Variants in RGL1 observed in about 807,000 individuals in gnomAD.
The protein encoded by RGL1 is ral guanine nucleotide dissociation stimulator like 1, also known as ral guanine nucleotide dissociation stimulator-like 1.
RGL1 carries 24 observed loss-of-function variants against 95.2 expected under a neutral mutation model. That is an observed-to-expected ratio of 0.25 (90% CI 0.18 to 0.35). The LOEUF is 0.35. RGL1 is among the 10% of genes least tolerant of loss of function. The pLI, the probability that RGL1 is intolerant of heterozygous loss-of-function variation, is 1.00. For missense variants in RGL1, 715 were observed against 936.3 expected (o/e 0.76, Z 3.08); for synonymous variants, 329 against 344.9 (o/e 0.95, Z 0.51).
intron 2 of RGL1, among the ~76,000 whole-genome samples, chr1:183,758,898 T>C (rs564597527): frequency 1.2e-4 from 18 of 152,324 alleles, no homozygotes; most frequent in African/African-American, 4.1e-4. Flanking sequence ...TTAGGCTCCA[T>C]GTAGCTCTGT....
chr1:183,703,449 A>G (rs1654721119), intron 1 of RGL1, among the ~76,000 whole-genome samples: 1 of 152,176 alleles, frequency 6.6e-6, no homozygotes, highest in African/African-American at 2.4e-5. Context: ...GATGAAGATT[A>G]CTGTCCCTAC....
chr1:183,653,192 G>A (rs749964249), intron 1 of RGL1: 3 of 152,144 alleles, frequency 2.0e-5, no homozygotes, highest in Non-Finnish European at 4.4e-5. Context: ...CAATTGTGCT[G>A]TAAAGATTCA....
At chr1:183,661,153 A>G (rs1651591567) in intron 1 of RGL1, among the ~76,000 whole-genome samples, 1 of 152,168 alleles carries the variant, frequency 6.6e-6, no homozygotes, top group Non-Finnish European at 1.5e-5. Flanking sequence ...AAGAACTAGA[A>G]AAGCAAGAGC....
At chr1:183,688,261 G>A (rs796313193) in intron 1 of RGL1, among the ~76,000 whole-genome samples, 17 of 152,254 alleles carry the variant, frequency 1.1e-4, no homozygotes, top group African/African-American at 4.1e-4. Flanking sequence ...GCCAAGATCT[G>A]AACTCAGAGA....
Position 183,916,584 on chromosome 1 carries a change from G to C in RGL1, c.1887G>C (p.Ser629=), listed in dbSNP as rs140510065. The change falls in exon 16 of 18, where the codon TCG becomes TCC. Residue 629 remains serine, a synonymous_variant. Transcript: ENST00000360851. The part of the protein sequence containing the change: ...NNPKIHKRSV[S]VTSITSTVLP... ...CCAAAATCCACAAGCGCTCTGTCTC[G>C]GTGACGTCCATTACCTCGACTGTGC... is the stretch of plus-strand genomic sequence containing the variant. The C allele has an allele frequency of 6.2e-7, 1 of 1,613,654 alleles. No individual in the cohort carries two copies. The highest frequency in any genetic ancestry group is 1.7e-5 in the Admixed American group (1 of 59,984).
At chr1:183,865,536 T>C (rs932188347) in intron 3 of RGL1, among the ~76,000 whole-genome samples, 14 of 152,210 alleles carry the variant, frequency 9.2e-5, no homozygotes, top group African/African-American at 3.1e-4. Context: ...AAGTGTAGCC[T>C]GGAGCCATCA....
chr1:183,678,407 T>A (rs1652977254), intron 1 of RGL1, among the ~76,000 whole-genome samples: 1 of 152,246 alleles, frequency 6.6e-6, no homozygotes, highest in Non-Finnish European at 1.5e-5. Context: ...TCACTTTTTG[T>A]TGATGTATCA....
chr1:183,920,180 A>C (rs910152517), intron 16 of RGL1, among the ~76,000 whole-genome samples: 1 of 151,878 alleles, frequency 6.6e-6, no homozygotes, highest in Non-Finnish European at 1.5e-5. Flanking sequence ...GATTACAGGC[A>C]CCCACGACCA....
chr1:183,736,701 T>C (rs1656960190), intron 1 of RGL1, among the ~76,000 whole-genome samples: 1 of 152,124 alleles, frequency 6.6e-6, no homozygotes, highest in South Asian at 2.1e-4. Flanking sequence ...GAAAGACAAA[T>C]AATCATGGGA....
At chr1:183,765,556 C>G (rs1658920664) in intron 2 of RGL1, among the ~76,000 whole-genome samples, 2 of 152,224 alleles carry the variant, frequency 1.3e-5, no homozygotes, top group African/African-American at 4.8e-5. Flanking sequence ...GTAGTTCAAT[C>G]CATGCAATCA....
intron 1 of RGL1, among the ~76,000 whole-genome samples, chr1:183,678,714 T>C (rs1409012541): frequency 6.6e-6 from 1 of 152,114 alleles, no homozygotes; most frequent in Non-Finnish European, 1.5e-5. Context: ...ATTTCTTTTT[T>C]TAAAAAAGTT....
chr1:183,679,345 G>A (rs542742162), intron 1 of RGL1, among the ~76,000 whole-genome samples: 41 of 151,908 alleles, frequency 2.7e-4, no homozygotes, highest in African/African-American at 6.3e-4. Context: ...CTATCAACCC[G>A]TCATCTACAT....
At chr1:183,872,607 A>G (rs1466310335) in intron 4 of RGL1, among the ~76,000 whole-genome samples, 1 of 152,264 alleles carries the variant, frequency 6.6e-6, no homozygotes, top group Non-Finnish European at 1.5e-5. Context: ...ACCAGATTTC[A>G]GTCACTGGTA....
chr1:183,851,502 C>T (rs1664825114), intron 3 of RGL1, among the ~76,000 whole-genome samples: 1 of 152,110 alleles, frequency 6.6e-6, no homozygotes, highest in African/African-American at 2.4e-5. Flanking sequence ...CATATGGCTT[C>T]AAATTACATA....
In RGL1 at chr1:183,709,122, CCT is replaced by C. The variant is rs546430168; in HGVS notation, c.-32-32996_-32-32995del. On this transcript the variant is annotated intron_variant, in intron 1 of 18. Transcript: ENST00000304685. ...TAACTGCTACAGGGTACCCGGACGG[CCT>C]CTCTCTCAGCCTTCAGGGGGTACGT... Among the ~76,000 whole-genome samples the C allele has an allele frequency of 6.6e-4, 100 of 152,242 alleles. 1 individual carries two copies. In the South Asian group the frequency reaches 0.02, roughly 30 times the overall value.
chr1:183,773,550 C>T (rs1011534849), intron 2 of RGL1, among the ~76,000 whole-genome samples: 1 of 152,178 alleles, frequency 6.6e-6, no homozygotes, highest in Non-Finnish European at 1.5e-5. Flanking sequence ...CAGAATGGCA[C>T]GTTTTATTCT....
intron 2 of RGL1, among the ~76,000 whole-genome samples, chr1:183,827,589 T>C (rs540226151): frequency 1.3e-5 from 2 of 152,380 alleles, no homozygotes; most frequent in African/African-American, 4.8e-5. Flanking sequence ...TGAAAAATGC[T>C]GTATTTTCGA....
chr1:183,660,007 T>A (rs1651489334), intron 1 of RGL1, among the ~76,000 whole-genome samples: 1 of 151,842 alleles, frequency 6.6e-6, no homozygotes, highest in African/African-American at 2.4e-5. Context: ...AAGCAAATGC[T>A]GAGAGATTTT....
At chr1:183,696,775 G>C (rs1046794428) in intron 1 of RGL1, among the ~76,000 whole-genome samples, 2 of 152,152 alleles carry the variant, frequency 1.3e-5, no homozygotes, top group Non-Finnish European at 2.9e-5. Context: ...AGTCATCCCT[G>C]AACTTCTGGT....
Sources: gnomAD v4.1 joint callset for allele counts (sites outside exome capture counted in the v4.1 genomes callset) on GRCh38, gnomAD v4.1.1 for gene constraint, MANE v1.5 for transcripts, NCBI Gene and HGNC (gene_info 2026-07-23, HGNC 2026-07-21) for gene names.